ADCK2: variants seen among roughly 807,000 people sequenced by gnomAD.
ADCK2 encodes aarF domain containing kinase 2.
ADCK2 carries 37 observed loss-of-function variants against 52.3 expected under a neutral mutation model. That is an observed-to-expected ratio of 0.71 (90% CI 0.54 to 0.93). The LOEUF (loss-of-function observed/expected upper bound fraction) is 0.93. ADCK2 is among the 40% of genes least tolerant of loss of function. ADCK2 has a pLI of 0.00. For synonymous variants in ADCK2, 321 were observed against 349.2 expected, an observed-to-expected ratio of 0.92 and a Z score of 0.90; for missense variants, 695 against 798.7, an observed-to-expected ratio of 0.87 and a Z score of 1.56.
Position 140,694,845 on chromosome 7 carries a change from C to A in ADCK2, c.*42C>A, listed in dbSNP as rs202005282. The stretch of plus-strand genomic sequence containing the variant: ...GTGGGCCCTTGTCAAGAGCTGGAGG[C>A]CACTCCCAAGAGCCTCTCCTATGGC... On this transcript the variant is annotated 3_prime_UTR_variant, in exon 8 of 8. Coordinates refer to ENST00000072869, the MANE Select transcript of ADCK2 (RefSeq NM_052853.4). 32 of 1,579,720 alleles carry A rather than the reference C, an allele frequency of 2.0e-5. No individual in the cohort carries two copies. The highest frequency in any genetic ancestry group is 2.6e-5 in the Non-Finnish European group (30 of 1,164,158).
chr7:140,679,391 C>T lies in ADCK2; in HGVS notation c.1209+108C>T, dbSNP rs527556159. 1.7e-5 allele frequency: 25 copies of T among 1,483,598 alleles called. No individual in the cohort carries two copies. The African/African-American group carries it at 2.8e-4, about 17-fold the overall frequency. The allele number at this position is 1,483,598 out of a possible 1,614,324, so 91.9% of individuals were successfully genotyped here. A position where few individuals can be genotyped will look rare whatever the true frequency, so the allele number is the denominator to read the frequency against. On this transcript the variant is annotated intron_variant, in intron 3 of 7. Coordinates refer to ENST00000072869, the MANE Select transcript of ADCK2 (RefSeq NM_052853.4). The stretch of plus-strand genomic sequence containing the variant: ...TCTGGAGAGAGGATGGGATTTGTGT[C>T]TGTAAAACTGTGAGGAGCTGGGATG...
rs571314629 is a variant in ADCK2 at position 140,678,282 on chromosome 7, G to A, written c.1081-873G>A. 6.6e-6 allele frequency among the ~76,000 whole-genome samples: 1 copy of A among 152,298 alleles called. No homozygotes were observed. Among genetic ancestry groups the A allele is most frequent in the African/African-American group, 2.4e-5 (1 of 41,564 alleles). ...TCTGGGGACTCAAAGGTGACTGAGT[G>A]CGTGGGGATGGTGAAGGGAAATTCC... is the stretch of plus-strand genomic sequence containing the variant. On this transcript the variant is annotated intron_variant, in intron 2 of 7. Transcript: ENST00000072869. This position sits in a 1 kb window ranked among gnomAD's most constrained non-coding sequence, Gnocchi z 4.9.
Position 140,673,177 on chromosome 7 carries a change from C to G in ADCK2, c.-154C>G, listed in dbSNP as rs1801659583. The stretch of plus-strand genomic sequence containing the variant: ...GGGCGCGGGCCTCCGGCCTGAGGCC[C>G]GGCGAGGTGCTGGAGGGAGCGGGGC... On this transcript the variant is annotated 5_prime_UTR_variant, in exon 1 of 8. Coordinates refer to ENST00000072869, the MANE Select transcript of ADCK2 (RefSeq NM_052853.4). This position sits in a 1 kb window ranked among gnomAD's most constrained non-coding sequence, Gnocchi z 6.4. 2.0e-6 allele frequency: 1 copy of G among 502,606 alleles called. No homozygotes were observed. Among genetic ancestry groups the G allele is most frequent in the Non-Finnish European group, 3.1e-6 (1 of 325,564 alleles). 31.1% of individuals were successfully genotyped at this position (502,606 alleles called of 1,614,324 possible).
chr7:140,689,416 T>TG (rs1794665462), intron 5 of ADCK2, among the ~76,000 whole-genome samples, 181 bp from the exon 6 acceptor site: 1 of 151,574 alleles, frequency 6.6e-6, no homozygotes, highest in South Asian at 2.1e-4. Flanking sequence ...GCAGCGGGGG[T>TG]GGGGGCATTC....
chr7:140,685,761 C>T (rs773537940), intron 4 of ADCK2, among the ~76,000 whole-genome samples: 4 of 152,164 alleles, frequency 2.6e-5, no homozygotes, highest in Non-Finnish European at 2.9e-5. Flanking sequence ...CCTGAGAGCC[C>T]GTCCACCAGC....
intron 3 of ADCK2, 139 bp from the exon 4 acceptor site, chr7:140,680,903 G>C (rs1563207487): frequency 7.0e-6 from 5 of 718,314 alleles, no homozygotes; most frequent in East Asian, 5.5e-5. Context: ...CTGAATGACA[G>C]ATGGGTTCTA....
At position 140,689,731 on chromosome 7, in the gene ADCK2, C is replaced by A. The variant is rs777052128; in HGVS notation, c.1686+6C>A. 1.2e-6 allele frequency: 2 copies of A among 1,608,372 alleles called. No individual in the cohort carries two copies. The highest frequency in any genetic ancestry group is 2.2e-5 in the South Asian group (2 of 90,176). On this transcript the variant is annotated splice_donor_region_variant and intron_variant, in intron 6 of 7. Coordinates refer to ENST00000072869, the MANE Select transcript of ADCK2 (RefSeq NM_052853.4). ...ACACCATCACCCTGGAGAAGGTGGGCAGGTCACTTGCGGAACAGGGGCTGG... is the reference window on the plus strand; with the variant it reads ...ACACCATCACCCTGGAGAAGGTGGGAAGGTCACTTGCGGAACAGGGGCTGG...
In ADCK2 at chr7:140,674,701, A is replaced by C; in HGVS notation, c.1024A>C (p.Lys342Gln). The C allele has an allele frequency of 1.2e-6, 2 of 1,614,182 alleles. No homozygotes were observed. Among genetic ancestry groups the C allele is most frequent in the Non-Finnish European group, 1.7e-6 (2 of 1,180,032 alleles). ...AGTCCTGGGAGTTTTGCCAGGCATC[A>C]AGTGGCTTAGCTTGCCTGAGATTGT... is the stretch of plus-strand genomic sequence containing the variant. ...SRVLGVLPGI[K>Q]WLSLPEIVEE... The change falls in exon 2 of 8, where the codon AAG becomes CAG. Residue 342 changes from lysine to glutamine, a missense_variant. Physicochemically the swap from Lys to Gln is moderately conservative, Grantham distance 53. Transcript: ENST00000072869. The surrounding 1 kb of genome is among the most constrained non-coding windows in gnomAD (Gnocchi z 4.6).
rs57302302 is a variant in ADCK2, at chr7:140,679,662, C to CTTTT, written c.1209+404_1209+407dup. On this transcript the variant is annotated intron_variant, in intron 3 of 7. Coordinates refer to ENST00000072869, the MANE Select transcript of ADCK2 (RefSeq NM_052853.4). ...TCTACTCTAGTTCAGCCTTCTCTCT[C>CTTTT]TTTTTTTTTTTTTTTTTTTTTTTTT... Among the ~76,000 whole-genome samples, 60 of 75,372 alleles carry CTTTT rather than the reference C, an allele frequency of 8.0e-4. 5 individuals carry two copies. The highest frequency in any genetic ancestry group is 1.9e-3 in the African/African-American group (41 of 21,994). 49.4% of individuals were successfully genotyped at this position (75,372 alleles called of 152,430 possible). A position where few individuals can be genotyped will look rare whatever the true frequency, so the allele number is the denominator to read the frequency against.
chr7:140,681,195 A>T, intron 4 of ADCK2, 58 bp downstream of exon 4: 1 of 1,535,056 alleles, frequency 6.5e-7, no homozygotes, highest in South Asian at 1.1e-5. Context: ...GCAGATGGGG[A>T]GTGGGCTGGG....
intron 3 of ADCK2, among the ~76,000 whole-genome samples, chr7:140,679,664 T>C (rs536745424): frequency 1.6e-3 from 99 of 60,838 alleles, no homozygotes; most frequent in East Asian, 6.1e-3. Context: ...TTCTCTCTCT[T>C]TTTTTTTTTT....
rs1460072692 is a variant in ADCK2 at position 140,681,060 on chromosome 7, A to G, written c.1228A>G (p.Ser410Gly). ...TCTGAAGGAGAGTGTGCCTGTGTCC[A>G]GTTACCAGCAGGCAGGAATTCCCGT... ...ETYEESVPVSSYQQAGIPVDL... is the reference protein window; with the variant it reads ...ETYEESVPVSGYQQAGIPVDL... The change falls in exon 4 of 8, where the codon AGT (serine) becomes GGT (glycine). Residue 410 changes from serine (S) to glycine (G), a missense_variant. By Grantham distance (56) the Ser-to-Gly change is moderately conservative. Coordinates refer to ENST00000072869, the MANE Select transcript of ADCK2 (RefSeq NM_052853.4). The G allele has an allele frequency of 6.2e-7, 1 of 1,614,138 alleles. No individual in the cohort carries two copies. Among genetic ancestry groups the G allele is most frequent in the South Asian group, 1.1e-5 (1 of 91,086 alleles).
Position 140,673,150 on chromosome 7 carries a change from C to T in ADCK2, c.-181C>T. On this transcript the variant is annotated 5_prime_UTR_variant, in exon 1 of 8. Transcript: ENST00000072869. The surrounding 1 kb of genome is among the most constrained non-coding windows in gnomAD (Gnocchi z 6.4). The stretch of plus-strand genomic sequence containing the variant: ...GCGGCGCGGCGCGGCGGGTGTCGGG[C>T]GGGGCGCGGGCCTCCGGCCTGAGGC... 3.0e-6 allele frequency: 1 copy of T among 333,434 alleles called. No individual in the cohort carries two copies. Among genetic ancestry groups the T allele is most frequent in the Non-Finnish European group, 5.3e-6 (1 of 189,430 alleles). The allele number at this position is 333,434 out of a possible 1,614,324, so 20.7% of individuals were successfully genotyped here.
chr7:140,686,862 A>G, intron 4 of ADCK2, 128 bp from the exon 5 acceptor site: 1 of 1,242,922 alleles, frequency 8.0e-7, no homozygotes, highest in Non-Finnish European at 1.1e-6. Context: ...AAGGGTCTAT[A>G]GGACATGCAC....
Position 140,674,577 on chromosome 7 carries a change from G to GT in ADCK2, c.934-31dup. 6.3e-7 allele frequency: 1 copy of GT among 1,595,452 alleles called. No homozygotes were observed. Among genetic ancestry groups the GT allele is most frequent in the South Asian group, 1.1e-5 (1 of 89,986 alleles). On this transcript the variant is annotated intron_variant, in intron 1 of 7. Coordinates refer to ENST00000072869, the MANE Select transcript of ADCK2 (RefSeq NM_052853.4). This position sits in a 1 kb window ranked among gnomAD's most constrained non-coding sequence, Gnocchi z 4.6. The stretch of plus-strand genomic sequence containing the variant: ...TGGCTGGGTAAAATGTGTCCAGCAG[G>GT]TTTCTCCTGTCTCACGGTTCCTCTT...
intron 4 of ADCK2, among the ~76,000 whole-genome samples, chr7:140,684,351 T>G (rs1027848065): frequency 6.6e-6 from 1 of 152,180 alleles, no homozygotes; most frequent in African/African-American, 2.4e-5. Flanking sequence ...CAGTGAGTCC[T>G]AAGCCACGCT....
Position 140,693,847 on chromosome 7 carries a change from C to T in ADCK2, c.1741-816C>T, listed in dbSNP as rs113033219. On this transcript the variant is annotated intron_variant, in intron 7 of 7. Transcript: ENST00000072869. The surrounding 1 kb of genome is among the most constrained non-coding windows in gnomAD (Gnocchi z 4.0). ...GCCTCAGCCTCCCGAGTAGCTGAGA[C>T]CACAGGCGCCTGCCACCATGCCCGG... is the stretch of plus-strand genomic sequence containing the variant. Among the ~76,000 whole-genome samples, 1,767 of 152,206 alleles carry T rather than the reference C, an allele frequency of 0.012. 42 individuals carry two copies. The highest frequency in any genetic ancestry group is 0.04 in the African/African-American group (1,668 of 41,528).
Position 140,673,393 on chromosome 7 carries a change from C to A in ADCK2, c.63C>A (p.Leu21=). Residue 21 remains leucine (L), a synonymous_variant, in exon 1 of 8, where the codon CTC becomes CTA. Coordinates refer to ENST00000072869, the MANE Select transcript of ADCK2 (RefSeq NM_052853.4). This position sits in a 1 kb window ranked among gnomAD's most constrained non-coding sequence, Gnocchi z 6.4. ...TGTCGCACCTGAGGTGCTTCGAGCT[C>A]AGACAGGGACTCAGCCTCCTGAGGC... ...VCLSHLRCFE[L]RQGLSLLRPS... The A allele has an allele frequency of 6.4e-7, 1 of 1,563,428 alleles. No individual in the cohort carries two copies. The highest frequency in any genetic ancestry group is 8.7e-7 in the Non-Finnish European group (1 of 1,155,008).
In ADCK2 at chr7:140,693,323, C is replaced by A. The variant is rs568419160; in HGVS notation, c.1741-1340C>A. ...GTGTGGCCAATCTGCCAGGCTGGAA[C>A]TCCACAAGCTGCTCCTGGGAGCATG... On this transcript the variant is annotated intron_variant, in intron 7 of 7. Coordinates refer to ENST00000072869, the MANE Select transcript of ADCK2 (RefSeq NM_052853.4). This position sits in a 1 kb window ranked among gnomAD's most constrained non-coding sequence, Gnocchi z 4.0. Among the ~76,000 whole-genome samples, 2 of 152,360 alleles carry A rather than the reference C, an allele frequency of 1.3e-5. No homozygotes were observed. The highest frequency in any genetic ancestry group is 3.9e-4 in the East Asian group (2 of 5,190).
Sources: gnomAD v4.1 joint callset for allele counts (sites outside exome capture counted in the v4.1 genomes callset) on GRCh38, gnomAD v4.1.1 for gene constraint, Gnocchi (gnomAD v3.1) non-coding constraint, MANE v1.5 for transcripts, NCBI Gene and HGNC (gene_info 2026-07-23, HGNC 2026-07-21) for gene names.